PPP1R1C: variants seen among roughly 807,000 people sequenced by gnomAD.
The protein encoded by PPP1R1C is protein phosphatase 1 regulatory inhibitor subunit 1C.
A neutral mutation model predicts 17.4 loss-of-function variants in PPP1R1C; 15 were observed. That is an observed-to-expected ratio of 0.86 (90% CI 0.58 to 1.33). The LOEUF is 1.33. Ranked by LOEUF, PPP1R1C falls within the 40% of genes most tolerant of loss-of-function variation. The pLI, the probability that PPP1R1C is intolerant of heterozygous loss-of-function variation, is 0.00. For synonymous variants in PPP1R1C, 35 were observed against 43.1 expected (o/e 0.81, Z 0.73); for missense variants, 143 against 130.0 (o/e 1.10, Z -0.48).
intron 2 of PPP1R1C, among the ~76,000 whole-genome samples, chr2:182,025,207 ATTTAT>A (rs1559061088): frequency 1.4e-5 from 2 of 148,014 alleles, no homozygotes; most frequent in African/African-American, 4.9e-5. Context: ...TTATTTATTT[ATTTAT>A]TTATTTTTAT....
intron 1 of PPP1R1C, among the ~76,000 whole-genome samples, chr2:181,968,126 T>A (rs1457332349): frequency 6.6e-6 from 1 of 152,248 alleles, no homozygotes; most frequent in East Asian, 1.9e-4. Context: ...TGTTGTCTGA[T>A]CTTGAGAATG....
chr2:181,995,906 G>T (rs918812174), intron 2 of PPP1R1C, among the ~76,000 whole-genome samples: 1 of 152,048 alleles, frequency 6.6e-6, no homozygotes, highest in Non-Finnish European at 1.5e-5. Context: ...ATTTACCAGG[G>T]GCTTAAGCAG....
intron 2 of PPP1R1C, among the ~76,000 whole-genome samples, chr2:182,041,495 GCTA>G (rs1687181057): frequency 6.6e-6 from 1 of 151,414 alleles, no homozygotes; most frequent in Non-Finnish European, 1.5e-5. Context: ...TGTACTCCCA[GCTA>G]CTTGGGAGGC....
At chr2:182,019,917 G>A (rs2125162065) in intron 2 of PPP1R1C, among the ~76,000 whole-genome samples, 1 of 152,302 alleles carries the variant, frequency 6.6e-6, no homozygotes, top group South Asian at 2.1e-4. Context: ...GTAAGCAGTG[G>A]CATATAGATC....
At chr2:182,094,971 G>A (rs1449524822) in intron 4 of PPP1R1C, among the ~76,000 whole-genome samples, 2 of 152,116 alleles carry the variant, frequency 1.3e-5, no homozygotes, top group East Asian at 1.9e-4. Flanking sequence ...AAGGTCATTC[G>A]TGGAAGCTCA....
intron 1 of PPP1R1C, among the ~76,000 whole-genome samples, chr2:181,968,628 C>A (rs1684948945): frequency 6.6e-6 from 1 of 151,996 alleles, no homozygotes; most frequent in African/African-American, 2.4e-5. Flanking sequence ...ATAATTGGGT[C>A]TTGTTTTGTG....
At chr2:182,108,685 C>A (rs1315191151) in intron 4 of PPP1R1C, among the ~76,000 whole-genome samples, 3 of 152,090 alleles carry the variant, frequency 2.0e-5, no homozygotes, top group Non-Finnish European at 2.9e-5. Context: ...ATGATTATTC[C>A]ATTTTTTCTG....
downstream of PPP1R1C, chr2:182,130,487 C>G (rs976305000): frequency 6.6e-6 from 1 of 152,246 alleles, no homozygotes; most frequent in African/African-American, 2.4e-5. Context: ...AGCAAAGGTA[C>G]AACATGGCTT....
chr2:182,039,238 T>G (rs371069363), intron 2 of PPP1R1C, among the ~76,000 whole-genome samples: 2 of 152,368 alleles, frequency 1.3e-5, no homozygotes, highest in African/African-American at 4.8e-5. Flanking sequence ...TCCTTTCCTA[T>G]GTTATCATCT....
At chr2:182,123,196 G>C (rs994227306) in intron 5 of PPP1R1C, among the ~76,000 whole-genome samples, 1 of 152,180 alleles carries the variant, frequency 6.6e-6, no homozygotes, top group African/African-American at 2.4e-5. Flanking sequence ...TTCTTTTTAT[G>C]GCTGCATAGT....
intron 2 of PPP1R1C, among the ~76,000 whole-genome samples, chr2:182,032,252 A>T (rs1016891008): frequency 6.6e-6 from 1 of 152,212 alleles, no homozygotes; most frequent in African/African-American, 2.4e-5. Flanking sequence ...ACTGAATATC[A>T]ACTATTGCAT....
At chr2:181,998,740 G>A (rs1250668758) in intron 2 of PPP1R1C, among the ~76,000 whole-genome samples, 1 of 152,178 alleles carries the variant, frequency 6.6e-6, no homozygotes, top group Non-Finnish European at 1.5e-5. Context: ...TTTTCAAAAT[G>A]CGTAAAGATT....
upstream of PPP1R1C, among the ~76,000 whole-genome samples, chr2:181,984,131 G>T (rs1253783532): frequency 6.6e-6 from 1 of 152,156 alleles, no homozygotes; most frequent in Non-Finnish European, 1.5e-5. Context: ...GAAGCCTTTT[G>T]AAAAATCTGG....
At chr2:182,120,710 T>C (rs1346192853), downstream of PPP1R1C, among the ~76,000 whole-genome samples, 2 of 152,192 alleles carry the variant, frequency 1.3e-5, no homozygotes, top group African/African-American at 2.4e-5. Context: ...TTCCCTTTCC[T>C]TGAACAGATG....
intron 4 of PPP1R1C, among the ~76,000 whole-genome samples, chr2:182,087,172 C>G (rs1688652442): frequency 1.3e-5 from 2 of 152,190 alleles, no homozygotes; most frequent in East Asian, 1.9e-4. Context: ...ACTGCAGTAA[C>G]CTCTAAATGG....
At chr2:182,027,056 A>AT (rs1574389604) in intron 2 of PPP1R1C, among the ~76,000 whole-genome samples, 1 of 136,192 alleles carries the variant, frequency 7.3e-6, no homozygotes, top group Non-Finnish European at 1.6e-5. Context: ...TTGTACATTG[A>AT]TTTTGTATCC....
At chr2:182,028,546 T>C (rs1227451567) in intron 2 of PPP1R1C, among the ~76,000 whole-genome samples, 7 of 152,152 alleles carry the variant, frequency 4.6e-5, no homozygotes, top group Non-Finnish European at 8.8e-5. Flanking sequence ...TAATCCTGAG[T>C]TCTAGTTTGA....
At chr2:182,091,059 G>A (rs1400504461) in intron 4 of PPP1R1C, among the ~76,000 whole-genome samples, 1 of 152,146 alleles carries the variant, frequency 6.6e-6, no homozygotes, top group Admixed American at 6.5e-5. Flanking sequence ...TGAGTTTATA[G>A]TGCCTGTATT....
chr2:182,066,649 T>C (rs1687990800), intron 4 of PPP1R1C, among the ~76,000 whole-genome samples: 1 of 152,118 alleles, frequency 6.6e-6, no homozygotes, highest in African/African-American at 2.4e-5. Flanking sequence ...AAATTTATGA[T>C]ATATATTGTG....
Sources: gnomAD v4.1 joint callset for allele counts (sites outside exome capture counted in the v4.1 genomes callset) on GRCh38, gnomAD v4.1.1 for gene constraint, MANE v1.5 for transcripts, NCBI Gene and HGNC (gene_info 2026-07-23, HGNC 2026-07-21) for gene names.